EVL: variants seen among roughly 807,000 people sequenced by gnomAD.
EVL encodes the protein ena/VASP-like protein.
In EVL, 21 loss-of-function variants were observed where a neutral mutation model predicts 59.6. The observed-to-expected ratio is 0.35, with a 90% CI of 0.25 to 0.51. The LOEUF is 0.51. EVL is among the 20% of genes least tolerant of loss of function. The pLI is 0.97. For missense variants in EVL, 462 were observed against 546.6 expected (o/e 0.85, Z 1.54); for synonymous variants, 198 against 203.5 (o/e 0.97, Z 0.23).
chr14:100,009,529 AATTT>A (rs562152795), intron 1 of EVL, among the ~76,000 whole-genome samples: 6 of 152,080 alleles, frequency 3.9e-5, no homozygotes, highest in Non-Finnish European at 1.5e-5. Context: ...TAGTCCATTC[AATTT>A]ATTTATTTGT....
chr14:100,056,090 G>A (rs547443155), intron 1 of EVL, among the ~76,000 whole-genome samples: 12 of 152,240 alleles, frequency 7.9e-5, no homozygotes, highest in African/African-American at 2.9e-4. Context: ...GATTACAGGC[G>A]TGAGCCACCG....
At position 100,097,538 on chromosome 14, in the gene EVL, T is replaced by A; in HGVS notation, c.238T>A (p.Phe80Ile). The change falls in exon 3 of 14, where the codon TTC becomes ATC. Residue 80 changes from phenylalanine (F) to isoleucine (I), a missense_variant. Phe to Ile is a conservative substitution (Grantham distance 21, BLOSUM62 0). Transcript: ENST00000392920. ...GAAGTACAATCAGGCCACGCCAACC[T>A]TCCACCAGTGGCGAGATGCCCGCCA... is the stretch of plus-strand genomic sequence containing the variant. ...GLKYNQATPT[F>I]HQWRDARQVY... The A allele has an allele frequency of 6.2e-7, 1 of 1,614,158 alleles. No individual in the cohort carries two copies. Among genetic ancestry groups the A allele is most frequent in the Non-Finnish European group, 8.5e-7 (1 of 1,180,002 alleles).
At chr14:100,084,052 C>CTTTTTT (rs548584469) in intron 1 of EVL, among the ~76,000 whole-genome samples, 2 of 134,654 alleles carry the variant, frequency 1.5e-5, no homozygotes, top group African/African-American at 2.8e-5. Flanking sequence ...CTCTCTCTCT[C>CTTTTTT]TTTTTTTTTT....
At chr14:99,998,653 C>T (rs1182056817) in intron 1 of EVL, among the ~76,000 whole-genome samples, 2 of 152,120 alleles carry the variant, frequency 1.3e-5, no homozygotes, top group Non-Finnish European at 2.9e-5. Context: ...TAGTAGTTAG[C>T]ATTTTGGCTA....
chr14:100,008,722 A>G (rs2060998703), intron 1 of EVL, among the ~76,000 whole-genome samples: 1 of 152,216 alleles, frequency 6.6e-6, no homozygotes, highest in Non-Finnish European at 1.5e-5. Flanking sequence ...CAGTCACCTA[A>G]CAAATCCCAG....
intron 2 of EVL, among the ~76,000 whole-genome samples, chr14:100,087,986 C>T (rs952324991): frequency 1.3e-5 from 2 of 152,212 alleles, no homozygotes; most frequent in African/African-American, 4.8e-5. Flanking sequence ...ATTTTCAAGT[C>T]TCTGAAGGGT....
intron 1 of EVL, among the ~76,000 whole-genome samples, chr14:100,008,376 C>G (rs116238847): frequency 2.6e-5 from 4 of 152,284 alleles, no homozygotes; most frequent in African/African-American, 9.6e-5. Context: ...TGACCCTAGG[C>G]AAGGTGCTGC....
chr14:100,137,198 CA>C (rs1327208921), intron 9 of EVL: 1 of 279,248 alleles, frequency 3.6e-6, no homozygotes, highest in Admixed American at 4.6e-5. Context: ...AGGAGCCCCT[CA>C]GTAGCAGGTG....
At chr14:100,136,098 C>T (rs1023796123) in intron 9 of EVL, 130 bp downstream of exon 9, 5 of 1,065,452 alleles carry the variant, frequency 4.7e-6, no homozygotes, top group African/African-American at 1.6e-5. Context: ...CACAGGGAAG[C>T]CCATTTCTTA....
At chr14:100,106,882 G>A (rs1433629996) in intron 3 of EVL, 1 of 398,542 alleles carries the variant, frequency 2.5e-6, no homozygotes. Flanking sequence ...ACCACTTCCT[G>A]ATATGACCCA....
At chr14:99,991,066 AC>A (rs1304677016) in intron 1 of EVL, among the ~76,000 whole-genome samples, 1 of 152,144 alleles carries the variant, frequency 6.6e-6, no homozygotes, top group Non-Finnish European at 1.5e-5. Context: ...TTTGAAAGAA[AC>A]TTGGAGATGA....
intron 1 of EVL, among the ~76,000 whole-genome samples, chr14:100,004,765 C>G (rs1325247448): frequency 6.6e-6 from 1 of 152,130 alleles, no homozygotes; most frequent in Non-Finnish European, 1.5e-5. Flanking sequence ...CTATATATTT[C>G]TCTTATTTCC....
intron 1 of EVL, among the ~76,000 whole-genome samples, chr14:100,001,606 G>A (rs2060946707): frequency 6.6e-6 from 1 of 152,162 alleles, no homozygotes; most frequent in Non-Finnish European, 1.5e-5. Context: ...CTCAGATAAG[G>A]CTTTTTAAAA....
chr14:99,979,977 C>T (rs2060796114), intron 1 of EVL, among the ~76,000 whole-genome samples: 2 of 152,166 alleles, frequency 1.3e-5, no homozygotes, highest in Non-Finnish European at 2.9e-5. Flanking sequence ...TAAAGTATAA[C>T]AACTATTTAT....
intron 1 of EVL, among the ~76,000 whole-genome samples, chr14:100,018,315 C>T (rs2756139): frequency 0.17 from 25,376 of 152,176 alleles, 2,346 homozygotes; most frequent in East Asian, 0.29. Context: ...GTCCATGGGC[C>T]CGAGAAGGGA....
chr14:100,084,625 G>C, intron 1 of EVL, 62 bp from the exon 2 acceptor site: 1 of 1,563,654 alleles, frequency 6.4e-7, no homozygotes, highest in Non-Finnish European at 8.7e-7. Context: ...TTTCAGAAAA[G>C]GGCAAAGTCA....
chr14:100,123,463 TAGAG>T (rs777768997), intron 3 of EVL, 72 bp from the exon 4 acceptor site: 151 of 1,463,656 alleles, frequency 1.0e-4, no homozygotes, highest in Admixed American at 2.2e-4. Context: ...TGGGCAGAGA[TAGAG>T]AGCACTCCAG....
chr14:100,128,903 A>C (rs1181178572), intron 6 of EVL, among the ~76,000 whole-genome samples, 155 bp downstream of exon 6: 3 of 152,244 alleles, frequency 2.0e-5, no homozygotes, highest in Non-Finnish European at 4.4e-5. Flanking sequence ...CAAACGAGAA[A>C]TCACATGGGA....
At chr14:100,039,188 C>T (rs1411335941) in intron 1 of EVL, among the ~76,000 whole-genome samples, 1 of 152,164 alleles carries the variant, frequency 6.6e-6, no homozygotes, top group East Asian at 1.9e-4. Flanking sequence ...GCTTTTCTCA[C>T]TTTATGAAGT....
Sources: allele counts gnomAD v4.1 joint callset (sites outside exome capture counted in the v4.1 genomes callset), GRCh38; gene constraint gnomAD v4.1.1; transcripts MANE v1.5; gene names NCBI Gene and HGNC (gene_info 2026-07-23, HGNC 2026-07-21).